PRR16: variants seen among roughly 807,000 people sequenced by gnomAD.
The protein encoded by PRR16 is protein Largen.
PRR16 carries 6 observed loss-of-function variants against 18.2 expected under a neutral mutation model. The ratio of observed to expected loss-of-function variants is 0.33; its 90% CI spans 0.18 to 0.65. The LOEUF (loss-of-function observed/expected upper bound fraction) is 0.65. PRR16 is among the 30% of genes least tolerant of loss of function. The pLI is 0.74. For synonymous variants in PRR16, 151 were observed against 147.8 expected (o/e 1.02, Z -0.16); for missense variants, 412 against 376.6 (o/e 1.09, Z -0.78).
chr5:120,749,327 CAAGT>C, the PRR16 span, among the ~76,000 whole-genome samples: 25 of 152,094 alleles, frequency 1.6e-4, no homozygotes, highest in African/African-American at 5.1e-4. Context: ...GAAATTATAT[CAAGT>C]AAGACAAAAT....
intron 1 of PRR16, among the ~76,000 whole-genome samples, chr5:120,644,085 G>A (rs1483740269): frequency 6.6e-6 from 1 of 151,994 alleles, no homozygotes; most frequent in Non-Finnish European, 1.5e-5. Context: ...AATGACTTGG[G>A]TTCTAAAACT....
chr5:120,604,043 A>T (rs1754070904), intron 1 of PRR16, among the ~76,000 whole-genome samples: 2 of 152,066 alleles, frequency 1.3e-5, no homozygotes, highest in South Asian at 4.2e-4. Flanking sequence ...TGTTGGGTGT[A>T]GTATTCTGTA....
At chr5:120,706,452 C>G in the PRR16 span, among the ~76,000 whole-genome samples, 69 of 152,230 alleles carry the variant, frequency 4.5e-4, no homozygotes, top group Admixed American at 1.0e-3. Flanking sequence ...GCTCCTTCAG[C>G]CTGTTTCTTC....
At chr5:120,632,961 A>C (rs913864161) in intron 1 of PRR16, among the ~76,000 whole-genome samples, 3 of 152,186 alleles carry the variant, frequency 2.0e-5, no homozygotes, top group Admixed American at 2.0e-4. Context: ...AAAGGAAAGA[A>C]TCTTAAGAGT....
the PRR16 span, among the ~76,000 whole-genome samples, chr5:120,758,978 T>TC: frequency 4.2e-5 from 6 of 143,138 alleles, no homozygotes; most frequent in Admixed American, 7.1e-5. Context: ...TAATTTCTTT[T>TC]TTTTTTTTTT....
At chr5:120,675,243 A>G (rs1450393639) in intron 1 of PRR16, among the ~76,000 whole-genome samples, 1 of 152,222 alleles carries the variant, frequency 6.6e-6, no homozygotes, top group Admixed American at 6.5e-5. Flanking sequence ...AAAAAAATGG[A>G]GAGCTTTATT....
At chr5:120,534,442 C>T (rs571764109) in intron 1 of PRR16, among the ~76,000 whole-genome samples, 3 of 152,242 alleles carry the variant, frequency 2.0e-5, no homozygotes, top group East Asian at 3.9e-4. Context: ...TAGAAATGCT[C>T]ATGTTAGACT....
chr5:120,488,804 C>G (rs1427248765), intron 1 of PRR16, among the ~76,000 whole-genome samples: 1 of 152,082 alleles, frequency 6.6e-6, no homozygotes, highest in African/African-American at 2.4e-5. Flanking sequence ...AAATTTCCCT[C>G]TACACACTGC....
chr5:120,521,247 T>TG (rs1491411809), intron 1 of PRR16, among the ~76,000 whole-genome samples: 21 of 149,876 alleles, frequency 1.4e-4, no homozygotes, highest in African/African-American at 4.6e-4. Context: ...TTTGTGTGTG[T>TG]TTTTTTTTAA....
At chr5:120,781,940 C>CTAGGTAAAATTGT in the PRR16 span, among the ~76,000 whole-genome samples, 1 of 152,002 alleles carries the variant, frequency 6.6e-6, no homozygotes, top group African/African-American at 2.4e-5. Context: ...TTCTATTTTT[C>CTAGGTAAAATTGT]TAGGTAAAAT....
the PRR16 span, among the ~76,000 whole-genome samples, chr5:120,724,603 A>G: frequency 1.3e-5 from 2 of 152,104 alleles, no homozygotes; most frequent in Non-Finnish European, 2.9e-5. Context: ...TCCATGAATC[A>G]TGATAATTTT....
At chr5:120,654,511 C>T (rs1755901007) in intron 1 of PRR16, among the ~76,000 whole-genome samples, 1 of 150,970 alleles carries the variant, frequency 6.6e-6, no homozygotes, top group Admixed American at 6.6e-5. Flanking sequence ...ATAAATATCA[C>T]CTCCAACAAA....
At chr5:120,669,147 G>C (rs1312214822) in intron 1 of PRR16, among the ~76,000 whole-genome samples, 1 of 152,110 alleles carries the variant, frequency 6.6e-6, no homozygotes, top group African/African-American at 2.4e-5. Context: ...AACTGTGTGT[G>C]TGCTGATGAA....
chr5:120,642,164 T>C (rs955282232), intron 1 of PRR16, among the ~76,000 whole-genome samples: 9 of 152,076 alleles, frequency 5.9e-5, no homozygotes, highest in Admixed American at 2.6e-4. Context: ...TTCTCACTTA[T>C]CAGTCTCAGT....
At chr5:120,672,873 T>C (rs1246593555) in intron 1 of PRR16, among the ~76,000 whole-genome samples, 1 of 152,188 alleles carries the variant, frequency 6.6e-6, no homozygotes, top group Non-Finnish European at 1.5e-5. Flanking sequence ...ATGATTAACA[T>C]AATAGAATCA....
chr5:120,754,300 ATAT>A, the PRR16 span, among the ~76,000 whole-genome samples: 1 of 96,574 alleles, frequency 1.0e-5, no homozygotes, highest in South Asian at 2.8e-4. Context: ...AATATATAAT[ATAT>A]AATATATAAC....
chr5:120,652,961 T>C (rs75690155), intron 1 of PRR16, among the ~76,000 whole-genome samples: 6,919 of 152,036 alleles, frequency 0.046, 420 homozygotes, highest in African/African-American at 0.13. Flanking sequence ...TGTTCTAAAA[T>C]AAAAAGATTA....
chr5:120,785,575 G>GTTTTTTTTTTTTTTTTTTTTTTTTTTT, the PRR16 span, among the ~76,000 whole-genome samples: 1 of 115,418 alleles, frequency 8.7e-6, no homozygotes, highest in Non-Finnish European at 1.7e-5. Context: ...TGTTGTTGTT[G>GTTTTTTTTTTTTTTTTTTTTTTTTTTT]TTTTTTTTTT....
At chr5:120,497,601 G>A (rs1413694011) in intron 1 of PRR16, among the ~76,000 whole-genome samples, 1 of 151,612 alleles carries the variant, frequency 6.6e-6, no homozygotes, top group East Asian at 1.9e-4. Context: ...ATGTTGGCCA[G>A]ACTGGTCTCG....
Sources: allele counts gnomAD v4.1 joint callset (sites outside exome capture counted in the v4.1 genomes callset), GRCh38; gene constraint gnomAD v4.1.1; transcripts MANE v1.5; gene names NCBI Gene and HGNC (gene_info 2026-07-23, HGNC 2026-07-21).